LRIG1: variants seen among roughly 807,000 people sequenced by gnomAD.
LRIG1 encodes the protein leucine-rich repeats and immunoglobulin-like domains protein 1.
In LRIG1, 48 loss-of-function variants were observed where a neutral mutation model predicts 99.2. The ratio of observed to expected loss-of-function variants is 0.48; its 90% CI spans 0.38 to 0.62. The LOEUF (loss-of-function observed/expected upper bound fraction) is 0.62. Among genes scored for constraint, LRIG1 ranks in the 20% least tolerant of loss-of-function variants. The probability of loss-of-function intolerance (pLI) is 0.00; values close to 1 mark genes in which losing one functional copy is unlikely to be tolerated. For synonymous variants in LRIG1, 772 were observed against 596.1 expected (o/e 1.29, Z -4.30); for missense variants, 1,646 against 1,434.4 (o/e 1.15, Z -2.38).
Position 66,380,109 on chromosome 3 carries a change from T to A in LRIG1, c.*154A>T. On this transcript the variant is annotated 3_prime_UTR_variant, in exon 19 of 19. Coordinates refer to ENST00000273261, the MANE Select transcript of LRIG1 (RefSeq NM_015541.3). Reference sequence around the variant, plus strand: ...CACAAATCCCCTCTTGCGTTTACTGTGCTTCAGATCCAAGTCCTGTGAGCG... The same window carrying A: ...CACAAATCCCCTCTTGCGTTTACTGAGCTTCAGATCCAAGTCCTGTGAGCG... The A allele has an allele frequency of 1.6e-6, 1 of 609,066 alleles. No individual in the cohort carries two copies. Among genetic ancestry groups the A allele is most frequent in the Middle Eastern group, 3.8e-4 (1 of 2,666 alleles). The allele number at this position is 609,066 out of a possible 1,614,324, so 37.7% of individuals were successfully genotyped here.
At chr3:66,405,684 C>T (rs1023324887) in intron 8 of LRIG1, 51 of 1,083,904 alleles carry the variant, frequency 4.7e-5, no homozygotes, top group African/African-American at 6.6e-5. Context: ...TGGACATGAC[C>T]GAGAAACTGC....
At chr3:66,386,634 G>A (rs753472842) in intron 12 of LRIG1, 147 of 281,746 alleles carry the variant, frequency 5.2e-4, no homozygotes, top group Admixed American at 2.1e-3. Flanking sequence ...AAACAGTCAG[G>A]CACCACTGGT....
At chr3:66,410,573 G>A (rs145094262) in intron 6 of LRIG1, among the ~76,000 whole-genome samples, 24 of 152,298 alleles carry the variant, frequency 1.6e-4, no homozygotes, top group South Asian at 6.2e-4. Context: ...TGGGTGTGGC[G>A]GCTTATGCCC....
At chr3:66,396,501 C>G (rs546772917) in intron 11 of LRIG1, among the ~76,000 whole-genome samples, 11 of 152,208 alleles carry the variant, frequency 7.2e-5, no homozygotes, top group African/African-American at 2.7e-4. Context: ...AAAAAGACGA[C>G]CAAGTGGAAT....
intron 3 of LRIG1, among the ~76,000 whole-genome samples, chr3:66,448,240 C>T (rs951548453): frequency 3.3e-5 from 5 of 152,180 alleles, no homozygotes; most frequent in Admixed American, 3.3e-4. Context: ...AAGCCAGGTG[C>T]AGAGCAATGC....
At chr3:66,491,023 T>A (rs539543379) in intron 1 of LRIG1, among the ~76,000 whole-genome samples, 1 of 152,342 alleles carries the variant, frequency 6.6e-6, no homozygotes, top group African/African-American at 2.4e-5. Context: ...AAACAAACCA[T>A]GCAGCAGCTA....
intron 1 of LRIG1, among the ~76,000 whole-genome samples, chr3:66,464,359 A>C (rs1201834116): frequency 1.3e-5 from 2 of 152,212 alleles, no homozygotes; most frequent in African/African-American, 4.8e-5. Context: ...GTGTGTAACA[A>C]GGCTGACACG....
chr3:66,411,132 C>T (rs1043617691), intron 6 of LRIG1, among the ~76,000 whole-genome samples: 3 of 152,308 alleles, frequency 2.0e-5, no homozygotes, highest in Non-Finnish European at 2.9e-5. Flanking sequence ...TCAGGCCCAC[C>T]GTGTAAGTGT....
intron 5 of LRIG1, among the ~76,000 whole-genome samples, chr3:66,414,607 A>G (rs926297325): frequency 1.3e-5 from 2 of 152,138 alleles, no homozygotes; most frequent in African/African-American, 4.8e-5. Context: ...TCTAAGATAA[A>G]TAAGAACCCA....
chr3:66,422,940 G>C (rs1310264542), intron 3 of LRIG1, among the ~76,000 whole-genome samples: 2 of 152,100 alleles, frequency 1.3e-5, no homozygotes, highest in Non-Finnish European at 2.9e-5. Flanking sequence ...GTTTGTGCAG[G>C]GAAACTCCAG....
At chr3:66,405,619 C>G (rs1702239310) in intron 8 of LRIG1, 1 of 725,186 alleles carries the variant, frequency 1.4e-6, no homozygotes, top group African/African-American at 1.8e-5. Context: ...GAGAATCAAC[C>G]CAAAAGGTTC....
intron 2 of LRIG1, among the ~76,000 whole-genome samples, chr3:66,459,356 C>A (rs1348924355): frequency 6.6e-6 from 1 of 152,200 alleles, no homozygotes; most frequent in Non-Finnish European, 1.5e-5. Context: ...ATGTACCATG[C>A]CTGCCCCTGA....
intron 2 of LRIG1, among the ~76,000 whole-genome samples, chr3:66,454,233 G>T (rs1019374473): frequency 6.6e-6 from 1 of 152,132 alleles, no homozygotes; most frequent in Non-Finnish European, 1.5e-5. Flanking sequence ...ACCACTGCTG[G>T]CTCCCTTTTT....
At position 66,386,279 on chromosome 3, in the gene LRIG1, G is replaced by A. The variant is rs775333974; in HGVS notation, c.1491C>T (p.Ile497=). ...FVCDDFLKPQ[I]ITQPETTMAM... Reference sequence around the variant, plus strand: ...CCATGGTGGTTTCTGGCTGGGTGATGATCTGTGGCTTCAGGAAGTCATCTG... The same window carrying A: ...CCATGGTGGTTTCTGGCTGGGTGATAATCTGTGGCTTCAGGAAGTCATCTG... The change falls in exon 13 of 19, where the codon ATC becomes ATT. Residue 497 remains isoleucine (I), a synonymous_variant. Coordinates refer to ENST00000273261, the MANE Select transcript of LRIG1 (RefSeq NM_015541.3). The A allele has an allele frequency of 1.2e-6, 2 of 1,614,052 alleles. No individual in the cohort carries two copies. The highest frequency in any genetic ancestry group is 2.2e-5 in the East Asian group (1 of 44,872).
intron 1 of LRIG1, among the ~76,000 whole-genome samples, chr3:66,491,960 G>C (rs574737813): frequency 1.3e-5 from 2 of 152,290 alleles, no homozygotes; most frequent in East Asian, 3.9e-4. Context: ...CATATCAACT[G>C]TTCCCTTAAT....
At chr3:66,481,825 C>T (rs1700859067) in intron 1 of LRIG1, among the ~76,000 whole-genome samples, 1 of 152,208 alleles carries the variant, frequency 6.6e-6, no homozygotes, top group African/African-American at 2.4e-5. Context: ...CTTTTCAAAG[C>T]ACATGCATAC....
chr3:66,494,976 C>T (rs557639720), intron 1 of LRIG1, among the ~76,000 whole-genome samples: 19 of 152,220 alleles, frequency 1.2e-4, no homozygotes, highest in Admixed American at 3.3e-4. Context: ...AAATGCAGGT[C>T]CCAGAGGTAA....
At chr3:66,401,828 C>G (rs982446863) in intron 9 of LRIG1, 3 of 505,192 alleles carry the variant, frequency 5.9e-6, no homozygotes. Flanking sequence ...AGTCACCTGT[C>G]AAACCTCCCA....
chr3:66,435,911 A>T (rs1703340864), intron 3 of LRIG1, among the ~76,000 whole-genome samples: 1 of 152,216 alleles, frequency 6.6e-6, no homozygotes, highest in South Asian at 2.1e-4. Flanking sequence ...CAGTGGAATC[A>T]GCCTTCCTGC....
Sources: allele counts gnomAD v4.1 joint callset (sites outside exome capture counted in the v4.1 genomes callset), GRCh38; gene constraint gnomAD v4.1.1; transcripts MANE v1.5; gene names NCBI Gene and HGNC (gene_info 2026-07-23, HGNC 2026-07-21).